The following CHST11 variants were observed in gnomAD, a reference collection of about 807,000 sequenced individuals.
The protein encoded by CHST11 is carbohydrate sulfotransferase 11.
A neutral mutation model predicts 30.4 loss-of-function variants in CHST11; 9 were observed. The ratio of observed to expected loss-of-function variants is 0.30; its 90% CI spans 0.18 to 0.52. CHST11 has a LOEUF of 0.52. Ranked by LOEUF, CHST11 falls within the 20% of genes least tolerant of loss-of-function variation. The pLI is 0.97. For synonymous variants in CHST11, 152 were observed against 187.8 expected (o/e 0.81, Z 1.56); for missense variants, 348 against 460.6 (o/e 0.76, Z 2.24).
intron 2 of CHST11, among the ~76,000 whole-genome samples, chr12:104,622,957 CT>C (rs1044757135): frequency 6.6e-6 from 1 of 152,236 alleles, no homozygotes; most frequent in African/African-American, 2.4e-5. Flanking sequence ...CCATCTCACC[CT>C]GCTGAAGCAG....
At chr12:104,587,188 A>G (rs2136036538) in intron 1 of CHST11, among the ~76,000 whole-genome samples, 1 of 152,366 alleles carries the variant, frequency 6.6e-6, no homozygotes, top group South Asian at 2.1e-4. Context: ...TTAAACTCAC[A>G]AATCTAGGAA....
chr12:104,495,130 C>A (rs1475497404), intron 1 of CHST11, among the ~76,000 whole-genome samples: 1 of 152,142 alleles, frequency 6.6e-6, no homozygotes, highest in Non-Finnish European at 1.5e-5. Flanking sequence ...AGAGTTCGTC[C>A]ATGTTGTAGC....
chr12:104,624,916 A>G (rs1163215434), intron 2 of CHST11, among the ~76,000 whole-genome samples: 27 of 151,894 alleles, frequency 1.8e-4, no homozygotes, highest in Admixed American at 1.6e-3. Flanking sequence ...GTGCCCGTGC[A>G]CTCCTGGTTT....
intron 2 of CHST11, among the ~76,000 whole-genome samples, chr12:104,637,335 A>AGGG (rs959610226): frequency 8.4e-5 from 4 of 47,556 alleles, no homozygotes; most frequent in African/African-American, 1.7e-4. Flanking sequence ...AAAAAAAAAA[A>AGGG]GGGGGTTGGG....
intron 2 of CHST11, among the ~76,000 whole-genome samples, chr12:104,613,292 T>TAG (rs1034049823): frequency 6.7e-6 from 1 of 148,320 alleles, no homozygotes; most frequent in African/African-American, 2.5e-5. Context: ...GATAGATAGA[T>TAG]ATAGATATAT....
intron 1 of CHST11, among the ~76,000 whole-genome samples, chr12:104,586,194 A>G (rs1447577084): frequency 6.6e-6 from 1 of 152,216 alleles, no homozygotes; most frequent in Admixed American, 6.5e-5. Flanking sequence ...TACCATGGTC[A>G]TAGCCAGGAC....
intron 2 of CHST11, among the ~76,000 whole-genome samples, chr12:104,687,564 A>T (rs2039857436): frequency 6.6e-6 from 1 of 152,228 alleles, no homozygotes; most frequent in Admixed American, 6.5e-5. Context: ...AGCCAGAGGC[A>T]AGGATTTGAT....
At position 104,686,232 on chromosome 12, in the gene CHST11, TAAA is replaced by T. The variant is rs55789725; in HGVS notation, c.205-70702_205-70700del. ...GATCACAAAGGGAGAACTCACCTCT[TAAA>T]AAAAAAAAAAAAAAGACAACATAGT... On this transcript the variant is annotated intron_variant, in intron 2 of 2. Transcript: ENST00000303694. 4.5e-4 allele frequency among the ~76,000 whole-genome samples: 45 copies of T among 99,124 alleles called. 2 individuals carry two copies. Among genetic ancestry groups the T allele is most frequent in the East Asian group, 1.4e-3 (3 of 2,146 alleles). 65.0% of individuals were successfully genotyped at this position (99,124 alleles called of 152,430 possible). A position where few individuals can be genotyped will look rare whatever the true frequency, so the allele number is the denominator to read the frequency against.
At chr12:104,582,490 A>G (rs2038756178) in intron 1 of CHST11, among the ~76,000 whole-genome samples, 2 of 152,122 alleles carry the variant, frequency 1.3e-5, no homozygotes, top group Admixed American at 1.3e-4. Context: ...GAGTTACTTA[A>G]ACCCCAGGCC....
chr12:104,603,454 C>T (rs150957187), intron 2 of CHST11, among the ~76,000 whole-genome samples: 9 of 152,296 alleles, frequency 5.9e-5, no homozygotes, highest in Admixed American at 2.0e-4. Flanking sequence ...CCATGGACTG[C>T]GTCTGTCCTG....
chr12:104,757,542 C>T lies in CHST11; in HGVS notation c.798C>T (p.Cys266=), dbSNP rs2040489844. ...NEHWQTVYSL[C]HPCHIHYDLV... is the part of the protein sequence containing the mutation. ...ACTGGCAAACCGTCTACTCACTCTG[C>T]CATCCCTGCCACATCCACTATGACC... The change falls in exon 3 of 3, where the codon TGC becomes TGT. Residue 266 remains cysteine (C), a synonymous_variant. Transcript: ENST00000303694. The surrounding 1 kb of genome is among the most constrained non-coding windows in gnomAD (Gnocchi z 6.5). 6.2e-7 allele frequency: 1 copy of T among 1,614,032 alleles called. No individual in the cohort carries two copies. The highest frequency in any genetic ancestry group is 1.3e-5 in the African/African-American group (1 of 74,916).
chr12:104,671,538 A>T (rs964428383), intron 2 of CHST11, among the ~76,000 whole-genome samples: 11 of 152,276 alleles, frequency 7.2e-5, no homozygotes, highest in African/African-American at 7.2e-5. Flanking sequence ...CGGTCTAGGA[A>T]GTCCTGTCGC....
rs10602668 is a variant in CHST11 at position 104,696,482 on chromosome 12, CAAAA to C, written c.205-60445_205-60442del. On this transcript the variant is annotated intron_variant, in intron 2 of 2. Coordinates refer to ENST00000303694, the MANE Select transcript of CHST11 (RefSeq NM_018413.6). ...TGAAACCCCGACTCTGCTAAAAATA[CAAAA>C]AAAAAAAAAAAAAAAAAAAAACATA... Among the ~76,000 whole-genome samples the C allele has an allele frequency of 6.6e-3, 453 of 69,120 alleles. 2 individuals carry two copies. The highest frequency in any genetic ancestry group is 0.022 in the African/African-American group (353 of 16,230). 45.3% of individuals were successfully genotyped at this position (69,120 alleles called of 152,430 possible). A position where few individuals can be genotyped will look rare whatever the true frequency, so the allele number is the denominator to read the frequency against.
At chr12:104,733,521 GAC>G (rs1441928338) in intron 2 of CHST11, among the ~76,000 whole-genome samples, 3 of 152,324 alleles carry the variant, frequency 2.0e-5, no homozygotes, top group Non-Finnish European at 4.4e-5. Context: ...CCAACACTTT[GAC>G]ACACACTGTG....
intron 1 of CHST11, among the ~76,000 whole-genome samples, chr12:104,584,622 C>T (rs1704887): frequency 0.85 from 129,143 of 152,152 alleles, 54,966 homozygotes; most frequent in East Asian, 1. Context: ...GGTCCCGACC[C>T]ACATAATATT....
At position 104,679,965 on chromosome 12, in the gene CHST11, G is replaced by T. The variant is rs139818340; in HGVS notation, c.205-76984G>T. On this transcript the variant is annotated intron_variant, in intron 2 of 2. Transcript: ENST00000303694. Reference sequence around the variant, plus strand: ...TTTTTTTACTGCCCCAGGAATCAGGGTTATCTGCTGGACCACCTTATAATT... The same window carrying T: ...TTTTTTTACTGCCCCAGGAATCAGGTTTATCTGCTGGACCACCTTATAATT... 9.9e-5 allele frequency among the ~76,000 whole-genome samples: 15 copies of T among 152,272 alleles called. No homozygotes were observed. In the East Asian group the frequency reaches 2.7e-3, roughly 27 times the overall value.
intron 1 of CHST11, among the ~76,000 whole-genome samples, chr12:104,590,051 C>T (rs1565998708): frequency 6.8e-6 from 1 of 146,590 alleles, no homozygotes; most frequent in East Asian, 2.0e-4. Flanking sequence ...AGATGCCTCA[C>T]CCTAGCTGGC....
At position 104,761,501 on chromosome 12, in the gene CHST11, A is replaced by ACACACACACACACACAC. The variant is rs10695562; in HGVS notation, c.*3698_*3699insCACACACACACACACAC. ...CACACACACACACACACACACACAC[A>ACACACACACACACACAC]ATCTCAGCTGCGCCATTCTGTGCAA... On this transcript the variant is annotated 3_prime_UTR_variant, in exon 3 of 3. Coordinates refer to ENST00000303694, the MANE Select transcript of CHST11 (RefSeq NM_018413.6). The ACACACACACACACACAC allele has an allele frequency of 6.9e-5, 10 of 144,604 alleles. No homozygotes were observed. Among genetic ancestry groups the ACACACACACACACACAC allele is most frequent in the East Asian group, 1.9e-4 (1 of 5,130 alleles). The allele number at this position is 144,604 out of a possible 1,614,324, so 9.0% of individuals were successfully genotyped here.
intron 2 of CHST11, among the ~76,000 whole-genome samples, chr12:104,706,434 G>GT (rs2040035551): frequency 6.7e-6 from 1 of 149,586 alleles, no homozygotes; most frequent in Non-Finnish European, 1.5e-5. Context: ...ACACAGGTGG[G>GT]TGGGTGGGTG....
Sources: allele counts gnomAD v4.1 joint callset (sites outside exome capture counted in the v4.1 genomes callset), GRCh38; gene constraint gnomAD v4.1.1; non-coding constraint Gnocchi (gnomAD v3.1); transcripts MANE v1.5; gene names NCBI Gene and HGNC (gene_info 2026-07-23, HGNC 2026-07-21).